Variants in SPIDR observed in about 807,000 individuals in gnomAD.
The protein encoded by SPIDR is scaffold protein involved in DNA repair, also known as DNA repair-scaffolding protein.
In SPIDR, 93 loss-of-function variants were observed where a neutral mutation model predicts 104.6. The observed-to-expected ratio is 0.89, with a 90% CI of 0.75 to 1.06. SPIDR has a LOEUF of 1.06. SPIDR is among the 50% of genes least tolerant of loss of function. The pLI, the probability that SPIDR is intolerant of heterozygous loss-of-function variation, is 0.00. For synonymous variants in SPIDR, 431 were observed against 416.9 expected, an observed-to-expected ratio of 1.03 and a Z score of -0.41; for missense variants, 1,154 against 1,111.2, an observed-to-expected ratio of 1.04 and a Z score of -0.55.
intron 5 of SPIDR, among the ~76,000 whole-genome samples, chr8:47,375,524 G>A (rs1243300897): frequency 1.3e-5 from 2 of 152,140 alleles, no homozygotes; most frequent in Non-Finnish European, 2.9e-5. Context: ...ACAGGCATGA[G>A]CCACTGCGCC....
chr8:47,598,968 C>T lies in SPIDR; in HGVS notation c.1316C>T (p.Thr439Ile). Residue 439 changes from threonine (T) to isoleucine (I), a missense_variant, in exon 10 of 20, where the codon ACT (threonine) becomes ATT (isoleucine). Thr to Ile is a moderately conservative substitution (Grantham distance 89, BLOSUM62 -1). Coordinates refer to ENST00000297423, the MANE Select transcript of SPIDR (RefSeq NM_001080394.4). ...EIQVVCSGVATTGTAWTHGHK... is the reference protein window; with the variant it reads ...EIQVVCSGVAITGTAWTHGHK... ...CAGGTTGTGTGTAGTGGTGTAGCCACTACAGGGACAGCCTGGACCCATGGG... is the reference window on the plus strand; with the variant it reads ...CAGGTTGTGTGTAGTGGTGTAGCCATTACAGGGACAGCCTGGACCCATGGG... The T allele has an allele frequency of 6.2e-7, 1 of 1,613,928 alleles. No homozygotes were observed. Among genetic ancestry groups the T allele is most frequent in the Non-Finnish European group, 8.5e-7 (1 of 1,179,942 alleles).
At chr8:47,359,304 A>G (rs2055248040) in intron 5 of SPIDR, among the ~76,000 whole-genome samples, 1 of 150,392 alleles carries the variant, frequency 6.6e-6, no homozygotes, top group African/African-American at 2.4e-5. Flanking sequence ...GTGTTGTTTT[A>G]TAATATCCAC....
chr8:47,622,594 G>A (rs2065328553), intron 10 of SPIDR, among the ~76,000 whole-genome samples: 1 of 152,142 alleles, frequency 6.6e-6, no homozygotes, highest in Non-Finnish European at 1.5e-5. Context: ...AGTAGGGGCT[G>A]GCGTCCCAGG....
intron 5 of SPIDR, among the ~76,000 whole-genome samples, chr8:47,334,276 T>G (rs2049293998): frequency 6.6e-6 from 1 of 152,234 alleles, no homozygotes. Flanking sequence ...TAAATGTCAA[T>G]TATATCCAGT....
chr8:47,662,993 C>A (rs1338382951), intron 10 of SPIDR, among the ~76,000 whole-genome samples: 1 of 152,204 alleles, frequency 6.6e-6, no homozygotes, highest in Admixed American at 6.5e-5. Flanking sequence ...GTTTATGACC[C>A]ACCCAGTCTG....
At chr8:47,368,108 G>C (rs1331402697) in intron 5 of SPIDR, among the ~76,000 whole-genome samples, 2 of 151,944 alleles carry the variant, frequency 1.3e-5, no homozygotes, top group African/African-American at 2.4e-5. Flanking sequence ...CATCTTTTTG[G>C]TGTAACCTCA....
At chr8:47,349,496 C>T (rs2052973595) in intron 5 of SPIDR, among the ~76,000 whole-genome samples, 1 of 152,208 alleles carries the variant, frequency 6.6e-6, no homozygotes, top group South Asian at 2.1e-4. Flanking sequence ...CCACTGCTTT[C>T]TTCAAAGCTG....
chr8:47,336,016 C>T (rs1216714995), intron 5 of SPIDR, among the ~76,000 whole-genome samples: 1 of 151,526 alleles, frequency 6.6e-6, no homozygotes, highest in Non-Finnish European at 1.5e-5. Flanking sequence ...TGGGGAGATT[C>T]TCAGTCATTG....
At chr8:47,528,941 C>G (rs992963832) in intron 8 of SPIDR, among the ~76,000 whole-genome samples, 1 of 152,088 alleles carries the variant, frequency 6.6e-6, no homozygotes, top group African/African-American at 2.4e-5. Context: ...TAAACACCAA[C>G]AGGATAAATA....
chr8:47,393,362 G>A (rs79161037), intron 5 of SPIDR, among the ~76,000 whole-genome samples: 4,518 of 152,248 alleles, frequency 0.03, 127 homozygotes, highest in Middle Eastern at 0.085. Context: ...AAGCCTTCTA[G>A]CTAGCTGCCC....
chr8:47,646,591 G>C (rs901045453), intron 10 of SPIDR, among the ~76,000 whole-genome samples: 1 of 152,172 alleles, frequency 6.6e-6, no homozygotes, highest in Non-Finnish European at 1.5e-5. Flanking sequence ...GCTACAAGAA[G>C]AATGAGGAAA....
At chr8:47,550,940 T>G (rs2090356032) in intron 8 of SPIDR, among the ~76,000 whole-genome samples, 4 of 152,202 alleles carry the variant, frequency 2.6e-5, no homozygotes, top group African/African-American at 9.6e-5. Flanking sequence ...TGAGATATGT[T>G]CCATCAGTAC....
chr8:47,708,585 G>A (rs575625656), intron 14 of SPIDR, among the ~76,000 whole-genome samples: 9 of 151,990 alleles, frequency 5.9e-5, no homozygotes, highest in Non-Finnish European at 1.2e-4. Flanking sequence ...TAATTTTATG[G>A]GTTTGCACAA....
At chr8:47,701,687 A>G in intron 12 of SPIDR, 34 bp from the exon 13 acceptor site, 1 of 1,604,146 alleles carries the variant, frequency 6.2e-7, no homozygotes, top group South Asian at 1.1e-5. Flanking sequence ...TTTTAACAAT[A>G]CATTCACCTT....
intron 8 of SPIDR, among the ~76,000 whole-genome samples, chr8:47,505,813 C>A (rs1045687715): frequency 9.2e-5 from 14 of 152,178 alleles, no homozygotes; most frequent in African/African-American, 2.9e-4. Context: ...CCCGGGCTTC[C>A]CTACTAAGGA....
intron 10 of SPIDR, among the ~76,000 whole-genome samples, chr8:47,639,100 G>A (rs1306348194): frequency 6.6e-6 from 1 of 152,118 alleles, no homozygotes; most frequent in Non-Finnish European, 1.5e-5. Flanking sequence ...CTTTCTTTTA[G>A]CCTCAGAATT....
intron 8 of SPIDR, among the ~76,000 whole-genome samples, chr8:47,586,673 A>G (rs909695287): frequency 2.6e-5 from 4 of 152,090 alleles, no homozygotes; most frequent in African/African-American, 7.2e-5. Flanking sequence ...GATTTTCCCT[A>G]TGTCTCTAGC....
chr8:47,569,592 A>G (rs367989135), intron 8 of SPIDR, among the ~76,000 whole-genome samples: 45 of 152,326 alleles, frequency 3.0e-4, no homozygotes, highest in African/African-American at 1.1e-3. Context: ...TAAGAGAAGG[A>G]TATCCATTTT....
At chr8:47,618,409 A>G (rs935925543) in intron 10 of SPIDR, among the ~76,000 whole-genome samples, 4 of 152,188 alleles carry the variant, frequency 2.6e-5, no homozygotes, top group Non-Finnish European at 5.9e-5. Flanking sequence ...GTAATATAAT[A>G]TTACCAAGGG....
Sources: gnomAD v4.1 joint callset for allele counts (sites outside exome capture counted in the v4.1 genomes callset) on GRCh38, gnomAD v4.1.1 for gene constraint, MANE v1.5 for transcripts, NCBI Gene and HGNC (gene_info 2026-07-23, HGNC 2026-07-21) for gene names.